MAGI2: variants seen among roughly 807,000 people sequenced by gnomAD.
MAGI2 encodes membrane associated guanylate kinase, WW and PDZ domain containing 2.
Under a neutral mutation model 133.3 loss-of-function variants are expected in MAGI2, and 35 were observed. The ratio of observed to expected loss-of-function variants is 0.26; its 90% CI spans 0.20 to 0.35. MAGI2 has a LOEUF of 0.35. MAGI2 is among the 10% of genes least tolerant of loss of function. MAGI2 has a pLI of 1.00. For synonymous variants in MAGI2, 729 were observed against 710.6 expected, an observed-to-expected ratio of 1.03 and a Z score of -0.41; for missense variants, 1,636 against 1,863.4, an observed-to-expected ratio of 0.88 and a Z score of 2.25.
At chr7:79,317,427 T>C (rs529267227) in intron 1 of MAGI2, among the ~76,000 whole-genome samples, 16 of 152,096 alleles carry the variant, frequency 1.1e-4, no homozygotes, top group African/African-American at 3.6e-4. Flanking sequence ...GACTGTCCAA[T>C]AGAATACACT....
chr7:79,059,494 C>T (rs1462254491), intron 1 of MAGI2, among the ~76,000 whole-genome samples: 1 of 152,102 alleles, frequency 6.6e-6, no homozygotes, highest in Non-Finnish European at 1.5e-5. Context: ...TAGTAACATT[C>T]AGTTTAATTG....
At chr7:79,024,992 C>A (rs564605987) in intron 1 of MAGI2, among the ~76,000 whole-genome samples, 1 of 152,194 alleles carries the variant, frequency 6.6e-6, no homozygotes, top group South Asian at 2.1e-4. Context: ...ACCCAGCAAT[C>A]CCATTATTCA....
rs552924013 is a variant in MAGI2, at chr7:78,649,777, G to A, written c.419-22538C>T. On this transcript the variant is annotated intron_variant, in intron 2 of 21. Coordinates refer to ENST00000354212, the MANE Select transcript of MAGI2 (RefSeq NM_012301.4). ...GAACATTGGTATGCAGCCAAGTGGT[G>A]AGCTTCTGGGTTAGGTAAGTTATTT... 9.2e-5 allele frequency among the ~76,000 whole-genome samples: 14 copies of A among 152,196 alleles called. No individual in the cohort carries two copies. In the East Asian group the frequency reaches 2.7e-3, roughly 29 times the overall value.
intron 1 of MAGI2, among the ~76,000 whole-genome samples, chr7:79,351,168 G>T (rs189832841): frequency 6.6e-6 from 1 of 151,984 alleles, no homozygotes; most frequent in African/African-American, 2.4e-5. Context: ...CATGCTTAAC[G>T]TTAAAGAATG....
intron 1 of MAGI2, among the ~76,000 whole-genome samples, chr7:79,369,786 A>T (rs1200304987): frequency 2.6e-5 from 4 of 152,178 alleles, no homozygotes; most frequent in Non-Finnish European, 5.9e-5. Context: ...GAGTATTAAT[A>T]CATCATCCAC....
At chr7:78,052,149 C>A (rs1812076059) in intron 21 of MAGI2, among the ~76,000 whole-genome samples, 1 of 143,676 alleles carries the variant, frequency 7.0e-6, no homozygotes, top group African/African-American at 2.8e-5. Context: ...GAGGTGTGAG[C>A]TACTGTGCCA....
chr7:78,406,815 G>A (rs1420745211), intron 6 of MAGI2, among the ~76,000 whole-genome samples: 1 of 152,000 alleles, frequency 6.6e-6, no homozygotes, highest in Admixed American at 6.6e-5. Flanking sequence ...ATAAACATCT[G>A]GAAGAGTGAA....
chr7:78,862,942 C>T (rs1794267859), intron 2 of MAGI2, among the ~76,000 whole-genome samples: 4 of 152,162 alleles, frequency 2.6e-5, no homozygotes, highest in Admixed American at 2.6e-4. Flanking sequence ...AAAACATTAT[C>T]AACTTTTTTC....
intron 2 of MAGI2, among the ~76,000 whole-genome samples, chr7:78,909,290 A>G (rs1584358737): frequency 6.6e-6 from 1 of 151,980 alleles, no homozygotes; most frequent in East Asian, 1.9e-4. Flanking sequence ...TCAGAATGGC[A>G]ATCATTAAAA....
At chr7:78,449,100 T>C (rs1046090545) in intron 6 of MAGI2, among the ~76,000 whole-genome samples, 15 of 152,072 alleles carry the variant, frequency 9.9e-5, no homozygotes, top group Non-Finnish European at 1.8e-4. Context: ...TGTGACATCA[T>C]TCTGCTGCCC....
chr7:78,172,231 G>A (rs930211225), intron 14 of MAGI2, among the ~76,000 whole-genome samples: 3 of 152,224 alleles, frequency 2.0e-5, no homozygotes, highest in Middle Eastern at 3.4e-3. Context: ...CCTTTTGATC[G>A]CTTTCATTCT....
intron 1 of MAGI2, among the ~76,000 whole-genome samples, chr7:79,397,459 G>A (rs1229547965): frequency 1.3e-5 from 2 of 151,608 alleles, no homozygotes; most frequent in Admixed American, 6.6e-5. Context: ...AAATATTTAT[G>A]TATATTTCTG....
intron 2 of MAGI2, among the ~76,000 whole-genome samples, chr7:78,667,999 T>C (rs1813842070): frequency 6.6e-6 from 1 of 152,144 alleles, no homozygotes; most frequent in Non-Finnish European, 1.5e-5. Context: ...TAGTTTACAG[T>C]CCCACCAACA....
intron 1 of MAGI2, among the ~76,000 whole-genome samples, chr7:79,146,371 G>A (rs1241179404): frequency 6.6e-6 from 1 of 152,154 alleles, no homozygotes; most frequent in Non-Finnish European, 1.5e-5. Flanking sequence ...TATTTTGGAA[G>A]TTGCCTCTTA....
At chr7:79,111,067 C>T (rs1330746452) in intron 1 of MAGI2, among the ~76,000 whole-genome samples, 2 of 152,118 alleles carry the variant, frequency 1.3e-5, no homozygotes, top group Non-Finnish European at 1.5e-5. Context: ...TATAGCAGTG[C>T]AAGAATGGTC....
chr7:78,347,587 A>G (rs11975489), intron 7 of MAGI2, among the ~76,000 whole-genome samples: 53,858 of 151,982 alleles, frequency 0.35, 10,151 homozygotes, highest in East Asian at 0.61. Context: ...GTACAGACAT[A>G]CTCAATAATT....
intron 2 of MAGI2, among the ~76,000 whole-genome samples, chr7:78,698,313 A>T (rs1817719430): frequency 6.6e-6 from 1 of 152,196 alleles, no homozygotes; most frequent in South Asian, 2.1e-4. Context: ...TTCAAGCAAG[A>T]ACATTATGCC....
chr7:78,671,049 C>T (rs1481301335), intron 2 of MAGI2, among the ~76,000 whole-genome samples: 1 of 152,118 alleles, frequency 6.6e-6, no homozygotes, highest in East Asian at 1.9e-4. Context: ...CACATAGTGG[C>T]CATTGCGAGA....
chr7:78,892,678 G>A (rs898992901), intron 2 of MAGI2, among the ~76,000 whole-genome samples: 2 of 152,210 alleles, frequency 1.3e-5, no homozygotes, highest in Non-Finnish European at 2.9e-5. Flanking sequence ...CTAGCCATAT[G>A]TAGAAAGCTG....
Sources: allele counts gnomAD v4.1 joint callset (sites outside exome capture counted in the v4.1 genomes callset), GRCh38; gene constraint gnomAD v4.1.1; transcripts MANE v1.5; gene names NCBI Gene and HGNC (gene_info 2026-07-23, HGNC 2026-07-21).